TSPAN15: variants seen among roughly 807,000 people sequenced by gnomAD.
The protein encoded by TSPAN15 is tetraspanin 15, also known as tetraspanin-15.
A neutral mutation model predicts 34.5 loss-of-function variants in TSPAN15; 20 were observed. That is an observed-to-expected ratio of 0.58 (90% confidence interval 0.41 to 0.84). The LOEUF (loss-of-function observed/expected upper bound fraction) is 0.84. Among genes scored for constraint, TSPAN15 ranks in the 40% least tolerant of loss-of-function variants. The pLI, the probability that TSPAN15 is intolerant of heterozygous loss-of-function variation, is 0.00. For synonymous variants in TSPAN15, 155 were observed against 153.9 expected, an observed-to-expected ratio of 1.01 and a Z score of -0.05; for missense variants, 313 against 386.1, an observed-to-expected ratio of 0.81 and a Z score of 1.59.
At chr10:69,479,074 CTT>C (rs1356585135) in intron 1 of TSPAN15, among the ~76,000 whole-genome samples, 1 of 152,258 alleles carries the variant, frequency 6.6e-6, no homozygotes, top group Non-Finnish European at 1.5e-5. Flanking sequence ...TCCAGCCTCT[CTT>C]ACTCTCCCTT....
chr10:69,540,305 G>A, the TSPAN15 span, among the ~76,000 whole-genome samples: 4 of 152,206 alleles, frequency 2.6e-5, no homozygotes, highest in Non-Finnish European at 5.9e-5. Flanking sequence ...TGAGGCAGGA[G>A]AGTGGTGTGA....
Position 69,453,253 on chromosome 10 carries a change from A to G in TSPAN15, c.96+1563A>G, listed in dbSNP as rs868539932. 2.0e-5 allele frequency among the ~76,000 whole-genome samples: 3 copies of G among 152,168 alleles called. 1 individual carries two copies. Among genetic ancestry groups the G allele is most frequent in the Non-Finnish European group, 1.5e-5 (1 of 68,028 alleles). ...ATTTGAGCTATAAATCAGCGGTTGCATCAGATTCTTGTGCCCTGGCATAGG... is the reference window on the plus strand; with the variant it reads ...ATTTGAGCTATAAATCAGCGGTTGCGTCAGATTCTTGTGCCCTGGCATAGG... On this transcript the variant is annotated intron_variant, in intron 1 of 7. Coordinates refer to ENST00000373290, the MANE Select transcript of TSPAN15 (RefSeq NM_012339.5).
chr10:69,471,489 T>C (rs1841504251), intron 1 of TSPAN15, among the ~76,000 whole-genome samples: 1 of 152,164 alleles, frequency 6.6e-6, no homozygotes, highest in South Asian at 2.1e-4. Context: ...TTTGTGTCTT[T>C]TGGGGGAATT....
At position 69,507,584 on chromosome 10, in the gene TSPAN15, G is replaced by A. The variant is rs1244950656; in HGVS notation, c.*606G>A. Reference sequence around the variant, plus strand: ...AGGAGTTTCTGACTAATCAAAGCTGGTATTTCCCCGCATGTCTTATTCTTG... The same window carrying A: ...AGGAGTTTCTGACTAATCAAAGCTGATATTTCCCCGCATGTCTTATTCTTG... On this transcript the variant is annotated 3_prime_UTR_variant, in exon 8 of 8. Coordinates refer to ENST00000373290, the MANE Select transcript of TSPAN15 (RefSeq NM_012339.5). 9.2e-6 allele frequency: 12 copies of A among 1,302,920 alleles called. No individual in the cohort carries two copies. Among genetic ancestry groups the A allele is most frequent in the African/African-American group, 1.5e-5 (1 of 65,506 alleles). The allele number at this position is 1,302,920 out of a possible 1,614,324, so 80.7% of individuals were successfully genotyped here.
chr10:69,483,693 G>C lies in TSPAN15; in HGVS notation c.99G>C (p.Leu33=). The C allele has an allele frequency of 6.2e-7, 1 of 1,613,156 alleles. No individual in the cohort carries two copies. The highest frequency in any genetic ancestry group is 8.5e-7 in the Non-Finnish European group (1 of 1,179,216). Residue 33 remains leucine (L), a splice_region_variant and synonymous_variant, in exon 2 of 8, where the codon CTG becomes CTC. Transcript: ENST00000373290. ...SLIIYSTVFW[L]IGALVLSVGI... ...CACCCTCTGTTTTCTTGCTGCAGCT[G>C]ATTGGGGCCCTGGTCCTGTCTGTGG...
In TSPAN15 at chr10:69,506,399, C is replaced by A. The variant is rs2305202; in HGVS notation, c.735+159C>A. 3 of 657,544 alleles carry A rather than the reference C, an allele frequency of 4.6e-6. No homozygotes were observed. Among genetic ancestry groups the A allele is most frequent in the Non-Finnish European group, 5.3e-6 (2 of 380,194 alleles). The allele number at this position is 657,544 out of a possible 1,614,324, so 40.7% of individuals were successfully genotyped here. On this transcript the variant is annotated intron_variant, in intron 7 of 7. Coordinates refer to ENST00000373290, the MANE Select transcript of TSPAN15 (RefSeq NM_012339.5). This position sits in a 1 kb window ranked among gnomAD's most constrained non-coding sequence, Gnocchi z 4.7. ...AGGAGGGGCAAATGGCAATAGCAGTCGTGGCGAAGCTCTTCCAAGTGCTGC... is the reference window on the plus strand; with the variant it reads ...AGGAGGGGCAAATGGCAATAGCAGTAGTGGCGAAGCTCTTCCAAGTGCTGC...
chr10:69,491,176 C>G (rs888845573), intron 3 of TSPAN15, among the ~76,000 whole-genome samples: 2 of 152,204 alleles, frequency 1.3e-5, no homozygotes, highest in South Asian at 4.1e-4. Context: ...CCCACCTTCT[C>G]CTGGTCCCCT....
At chr10:69,538,106 C>A in the TSPAN15 span, among the ~76,000 whole-genome samples, 1 of 152,172 alleles carries the variant, frequency 6.6e-6, no homozygotes, top group Admixed American at 6.5e-5. Context: ...ACCTTCATGA[C>A]CTCATCTAAA....
At chr10:69,539,375 T>C in the TSPAN15 span, among the ~76,000 whole-genome samples, 1 of 74,634 alleles carries the variant, frequency 1.3e-5, no homozygotes, top group South Asian at 3.8e-4. Flanking sequence ...ACAAAAAAAA[T>C]AGAAGAAGAA....
chr10:69,486,350 C>A (rs548153500), intron 3 of TSPAN15, among the ~76,000 whole-genome samples: 1 of 152,236 alleles, frequency 6.6e-6, no homozygotes, highest in Admixed American at 6.5e-5. Context: ...CCCCTCCCTA[C>A]CCCAGACAGC....
chr10:69,488,235 A>G (rs908415137), intron 3 of TSPAN15, among the ~76,000 whole-genome samples: 5 of 152,224 alleles, frequency 3.3e-5, no homozygotes, highest in African/African-American at 1.2e-4. Flanking sequence ...TCCAACTCTA[A>G]TGTGATATGA....
At chr10:69,542,236 C>T in the TSPAN15 span, among the ~76,000 whole-genome samples, 1 of 152,182 alleles carries the variant, frequency 6.6e-6, no homozygotes, top group African/African-American at 2.4e-5. Context: ...CAACAAGTTC[C>T]TCATCTCCAT....
the TSPAN15 span, among the ~76,000 whole-genome samples, chr10:69,524,179 T>A: frequency 6.8e-6 from 1 of 147,776 alleles, no homozygotes; most frequent in East Asian, 2.5e-4. Flanking sequence ...TATCCATAGA[T>A]CAAATCCAGC....
intron 1 of TSPAN15, among the ~76,000 whole-genome samples, chr10:69,464,706 C>A (rs535392654): frequency 6.6e-6 from 1 of 152,260 alleles, no homozygotes; most frequent in African/African-American, 2.4e-5. Context: ...GTGGGTTGAA[C>A]TTTGAGGGGC....
chr10:69,455,606 T>TTCTTTC (rs1446715664), intron 1 of TSPAN15, among the ~76,000 whole-genome samples: 7 of 110,964 alleles, frequency 6.3e-5, no homozygotes, highest in African/African-American at 2.6e-4. Flanking sequence ...CTTTCTTTCT[T>TTCTTTC]TCTCTCTCTC....
chr10:69,463,951 C>T (rs1435017490), intron 1 of TSPAN15, among the ~76,000 whole-genome samples: 1 of 152,150 alleles, frequency 6.6e-6, no homozygotes, highest in Non-Finnish European at 1.5e-5. Context: ...CTGAGTGTGC[C>T]ATAAATCCAG....
chr10:69,527,542 C>T, the TSPAN15 span, among the ~76,000 whole-genome samples: 1 of 146,400 alleles, frequency 6.8e-6, no homozygotes, highest in South Asian at 2.2e-4. Flanking sequence ...TTGCAGTGAG[C>T]CGAGATCGCA....
the TSPAN15 span, among the ~76,000 whole-genome samples, chr10:69,545,339 T>G: frequency 2.0e-5 from 3 of 152,010 alleles, no homozygotes; most frequent in African/African-American, 7.3e-5. Flanking sequence ...CCCTCTGATC[T>G]CCCCAGGCCA....
chr10:69,468,472 C>G (rs1362522028), intron 1 of TSPAN15, among the ~76,000 whole-genome samples: 3 of 151,992 alleles, frequency 2.0e-5, no homozygotes, highest in Non-Finnish European at 4.4e-5. Flanking sequence ...GCTGGAGTAT[C>G]CCCTAATCAA....
Sources: gnomAD v4.1 joint callset for allele counts (sites outside exome capture counted in the v4.1 genomes callset) on GRCh38, gnomAD v4.1.1 for gene constraint, Gnocchi (gnomAD v3.1) non-coding constraint, MANE v1.5 for transcripts, NCBI Gene and HGNC (gene_info 2026-07-23, HGNC 2026-07-21) for gene names.